PCDH7: variants seen among roughly 807,000 people sequenced by gnomAD.
The protein encoded by PCDH7 is protocadherin-7.
In PCDH7, 17 loss-of-function variants were observed where a neutral mutation model predicts 58.9. That is an observed-to-expected ratio of 0.29 (90% CI 0.20 to 0.43). PCDH7 has a LOEUF of 0.43. PCDH7 is among the 20% of genes least tolerant of loss of function. PCDH7 has a pLI of 1.00. For missense variants in PCDH7, 1,274 were observed against 1,441.0 expected, an observed-to-expected ratio of 0.88 and a Z score of 1.88; for synonymous variants, 664 against 616.4, an observed-to-expected ratio of 1.08 and a Z score of -1.14.
chr4:31,110,341 T>C (rs1467174314), intron 3 of PCDH7, among the ~76,000 whole-genome samples: 2 of 152,230 alleles, frequency 1.3e-5, no homozygotes, highest in Non-Finnish European at 2.9e-5. Context: ...AAATATCTCA[T>C]AACCTCGTAC....
In PCDH7 at chr4:30,746,118, T is replaced by C. The variant is rs112808832; in HGVS notation, c.70+21522T>C. On this transcript the variant is annotated intron_variant, in intron 1 of 3. Coordinates refer to the PCDH7 transcript ENST00000509759. ...TGCTGGGATTACAGGTGTGATCCAC[T>C]GTGCCTGGCTAAAGAGATATTATTT... 1.2e-4 allele frequency among the ~76,000 whole-genome samples: 19 copies of C among 152,302 alleles called. 1 individual carries two copies. The highest frequency in any genetic ancestry group is 3.8e-4 in the African/African-American group (16 of 41,574).
At chr4:30,800,073 C>A (rs989158012) in intron 1 of PCDH7, among the ~76,000 whole-genome samples, 15 of 151,544 alleles carry the variant, frequency 9.9e-5, no homozygotes, top group African/African-American at 3.6e-4. Context: ...TTGGGCAGAC[C>A]GGTCTCGAAC....
At chr4:31,067,374 CA>C (rs10715937) in intron 3 of PCDH7, among the ~76,000 whole-genome samples, 34,498 of 109,666 alleles carry the variant, frequency 0.31, 4,206 homozygotes, top group African/African-American at 0.47. Context: ...ATCACTGAGA[CA>C]AAAAAAAAAA....
chr4:30,968,956 A>G (rs1315308529), intron 3 of PCDH7, among the ~76,000 whole-genome samples: 1 of 152,142 alleles, frequency 6.6e-6, no homozygotes, highest in Non-Finnish European at 1.5e-5. Context: ...ATCACTTTCT[A>G]TGAACTTATG....
At chr4:31,062,517 A>G (rs1757767356) in intron 3 of PCDH7, among the ~76,000 whole-genome samples, 1 of 151,802 alleles carries the variant, frequency 6.6e-6, no homozygotes, top group South Asian at 2.1e-4. Context: ...AATCAGAAGG[A>G]TACGAGAGCC....
At chr4:30,767,946 CTCCTA>C (rs1340887752) in intron 1 of PCDH7, among the ~76,000 whole-genome samples, 1 of 152,160 alleles carries the variant, frequency 6.6e-6, no homozygotes, top group Non-Finnish European at 1.5e-5. Flanking sequence ...TGTAACTTAC[CTCCTA>C]TCCTTCATTA....
At chr4:30,970,539 C>G (rs528839119) in intron 3 of PCDH7, among the ~76,000 whole-genome samples, 4 of 152,254 alleles carry the variant, frequency 2.6e-5, no homozygotes, top group South Asian at 4.1e-4. Flanking sequence ...GTGATCCCCC[C>G]GCCTCGGCCT....
chr4:31,029,064 T>A (rs1307767643), intron 3 of PCDH7, among the ~76,000 whole-genome samples: 4 of 152,186 alleles, frequency 2.6e-5, no homozygotes, highest in African/African-American at 9.7e-5. Context: ...CCACCTGAAG[T>A]GTAGCAAATT....
intron 1 of PCDH7, among the ~76,000 whole-genome samples, chr4:30,834,686 C>T (rs778093608): frequency 6.6e-6 from 1 of 151,602 alleles, no homozygotes; most frequent in Non-Finnish European, 1.5e-5. Context: ...AAACCTGAGT[C>T]TCTTCCAAGA....
At chr4:30,913,305 T>TA (rs917683767) in intron 1 of PCDH7, among the ~76,000 whole-genome samples, 2 of 151,900 alleles carry the variant, frequency 1.3e-5, no homozygotes, top group African/African-American at 2.4e-5. Context: ...TCTCTAAAAT[T>TA]AAAAAAATAA....
At chr4:30,929,922 A>G (rs207464466) in intron 2 of PCDH7, among the ~76,000 whole-genome samples, 2 of 152,208 alleles carry the variant, frequency 1.3e-5, no homozygotes, top group Non-Finnish European at 2.9e-5. Flanking sequence ...GAAATTTTAT[A>G]CAGTGAACAG....
intron 1 of PCDH7, among the ~76,000 whole-genome samples, chr4:30,864,476 G>A (rs984793034): frequency 7.5e-6 from 1 of 133,452 alleles, no homozygotes; most frequent in African/African-American, 2.8e-5. Flanking sequence ...CACATTTTTT[G>A]TTGCCAAGGG....
intron 1 of PCDH7, among the ~76,000 whole-genome samples, chr4:30,900,843 T>A (rs180738248): frequency 2.0e-5 from 3 of 152,270 alleles, no homozygotes; most frequent in Admixed American, 1.3e-4. Flanking sequence ...GGAATGGCAC[T>A]CTATATTTGC....
chr4:30,911,320 AC>A (rs10718639), intron 1 of PCDH7, among the ~76,000 whole-genome samples: 70,277 of 116,086 alleles, frequency 0.61, 19,713 homozygotes, highest in African/African-American at 0.77. Flanking sequence ...AAAAAAAATC[AC>A]CCCCCCCCCC....
chr4:30,855,354 C>T (rs751166656), intron 1 of PCDH7, among the ~76,000 whole-genome samples: 11 of 152,130 alleles, frequency 7.2e-5, no homozygotes, highest in Admixed American at 1.3e-4. Flanking sequence ...TCTAAGACAT[C>T]AGTTGCTCAT....
chr4:31,062,708 C>A (rs1034330502), intron 3 of PCDH7, among the ~76,000 whole-genome samples: 1 of 151,788 alleles, frequency 6.6e-6, no homozygotes, highest in Admixed American at 6.6e-5. Context: ...GTCATTTTGT[C>A]AAAATGCCAC....
chr4:30,737,817 A>T (rs1435102174), downstream of PCDH7, among the ~76,000 whole-genome samples: 1 of 152,214 alleles, frequency 6.6e-6, no homozygotes, highest in Non-Finnish European at 1.5e-5. Context: ...TCTTTTTTAC[A>T]TTTGAAAAAA....
intron 3 of PCDH7, among the ~76,000 whole-genome samples, chr4:31,027,565 G>C (rs1475249193): frequency 6.6e-6 from 1 of 151,954 alleles, no homozygotes; most frequent in African/African-American, 2.4e-5. Context: ...TGGGATTATA[G>C]CCATGCACCA....
intron 3 of PCDH7, among the ~76,000 whole-genome samples, chr4:30,963,347 C>T (rs1748655823): frequency 6.6e-6 from 1 of 152,190 alleles, no homozygotes. Context: ...TGTCTGTATA[C>T]ATGCTTCCTC....
Sources: gnomAD v4.1 joint callset for allele counts (sites outside exome capture counted in the v4.1 genomes callset) on GRCh38, gnomAD v4.1.1 for gene constraint, MANE v1.5 for transcripts, NCBI Gene and HGNC (gene_info 2026-07-23, HGNC 2026-07-21) for gene names.